The following COPG2 variants were observed in gnomAD, a reference collection of about 807,000 sequenced individuals.
The protein encoded by COPG2 is coat protein complex I subunit gamma 2, also known as coatomer subunit gamma-2.
A neutral mutation model predicts 46.3 loss-of-function variants in COPG2; 37 were observed. That is an observed-to-expected ratio of 0.80 (90% CI 0.61 to 1.05). COPG2 has a LOEUF of 1.05. COPG2 is among the 50% of genes least tolerant of loss of function. The pLI is 0.00. For synonymous variants in COPG2, 159 were observed against 129.7 expected (o/e 1.23, Z -1.53); for missense variants, 427 against 387.8 (o/e 1.10, Z -0.85).
At chr7:130,571,812 TAAGTA>T (rs1174966780) in intron 9 of COPG2, among the ~76,000 whole-genome samples, 6 of 151,448 alleles carry the variant, frequency 4.0e-5, no homozygotes, top group Non-Finnish European at 7.4e-5. Context: ...CATCAATCAA[TAAGTA>T]AATAAAGAAA....
chr7:130,616,039 T>C (rs1487742326), intron 6 of COPG2, among the ~76,000 whole-genome samples: 1 of 152,244 alleles, frequency 6.6e-6, no homozygotes, highest in African/African-American at 2.4e-5. Context: ...AAGTTTTATC[T>C]GGAAGCCAGA....
chr7:130,574,274 G>T (rs576002797), intron 9 of COPG2, among the ~76,000 whole-genome samples: 4 of 152,280 alleles, frequency 2.6e-5, no homozygotes, highest in African/African-American at 7.2e-5. Context: ...TAAAGTTAAA[G>T]AACTGAGGCC....
rs1432747167 is a variant in COPG2, at chr7:130,591,063, C to T, written c.737+19890G>A. 3.3e-5 allele frequency among the ~76,000 whole-genome samples: 5 copies of T among 149,952 alleles called. No homozygotes were observed. In the South Asian group the frequency reaches 6.4e-4, roughly 19 times the overall value. The stretch of plus-strand genomic sequence containing the variant: ...GGGAGGTGGGGGTCAGCCCCCCGCC[C>T]GGCCAGCCGCCCCGTCCAGAAGGGA... On this transcript the variant is annotated intron_variant, in intron 9 of 23. Coordinates refer to ENST00000425248, the MANE Select transcript of COPG2 (RefSeq NM_012133.6).
chr7:130,641,738 T>C (rs1190284558), intron 5 of COPG2, among the ~76,000 whole-genome samples: 2 of 152,176 alleles, frequency 1.3e-5, no homozygotes, highest in Non-Finnish European at 1.5e-5. Context: ...CAGGAACAGC[T>C]GCACCATTCA....
At chr7:130,595,268 C>T (rs939530451) in intron 9 of COPG2, among the ~76,000 whole-genome samples, 1 of 152,160 alleles carries the variant, frequency 6.6e-6, no homozygotes, top group African/African-American at 2.4e-5. Flanking sequence ...CAAAAGGCCA[C>T]ATATTGTGTG....
At chr7:130,639,123 G>A (rs143394168) in intron 5 of COPG2, among the ~76,000 whole-genome samples, 21 of 152,258 alleles carry the variant, frequency 1.4e-4, no homozygotes, top group Middle Eastern at 3.4e-3. Flanking sequence ...GAAATCACCC[G>A]CCTTCCACGT....
At chr7:130,650,323 G>C (rs1175535550) in intron 5 of COPG2, among the ~76,000 whole-genome samples, 3 of 152,110 alleles carry the variant, frequency 2.0e-5, no homozygotes, top group Non-Finnish European at 4.4e-5. Context: ...GGACATCTTT[G>C]GGTCACTATT....
At chr7:130,649,823 G>GT (rs1795701811) in intron 5 of COPG2, among the ~76,000 whole-genome samples, 1 of 152,004 alleles carries the variant, frequency 6.6e-6, no homozygotes, top group Admixed American at 6.6e-5. Context: ...ACATTTTTAG[G>GT]TATTTGTTAC....
intron 10 of COPG2, 133 bp downstream of exon 10, chr7:130,564,127 T>G (rs1229294395): frequency 2.5e-6 from 1 of 396,960 alleles, no homozygotes; most frequent in East Asian, 3.6e-5. Flanking sequence ...ACATATAAGC[T>G]ATCAGAATGC....
chr7:130,603,789 A>G lies in COPG2; in HGVS notation c.737+7164T>C, dbSNP rs782166888. ...TAACAGTACTATAGGCATCTTGTACAGTTGATCCTCGAACAACATGGGGTT... is the reference window on the plus strand; with the variant it reads ...TAACAGTACTATAGGCATCTTGTACGGTTGATCCTCGAACAACATGGGGTT... On this transcript the variant is annotated intron_variant, in intron 9 of 23. Transcript: ENST00000425248. 17 of 516,966 alleles carry G rather than the reference A, an allele frequency of 3.3e-5. No individual in the cohort carries two copies. The East Asian group carries it at 9.3e-4, about 28-fold the overall frequency. The allele number at this position is 516,966 out of a possible 1,614,324, so 32.0% of individuals were successfully genotyped here.
At chr7:130,510,291 C>A (rs1799575123) in intron 20 of COPG2, 1 of 511,634 alleles carries the variant, frequency 2.0e-6, no homozygotes. Context: ...GAATCAATTT[C>A]AATGCCATTA....
chr7:130,549,787 CTTCTT>C, intron 17 of COPG2, among the ~76,000 whole-genome samples: 1 of 150,408 alleles, frequency 6.6e-6, no homozygotes, highest in Admixed American at 6.7e-5. Context: ...ACATTTATGA[CTTCTT>C]TTGTTTTTGT....
chr7:130,507,445 C>T (rs1170190463), intron 22 of COPG2, 73 bp from the exon 23 acceptor site: 3 of 768,156 alleles, frequency 3.9e-6, no homozygotes, highest in East Asian at 2.4e-5. Context: ...CCAGTGTATG[C>T]TGGGAGCTGG....
At chr7:130,560,287 C>T (rs1209953228) in intron 12 of COPG2, among the ~76,000 whole-genome samples, 2 of 151,958 alleles carry the variant, frequency 1.3e-5, no homozygotes, top group East Asian at 3.9e-4. Flanking sequence ...AATTTAACAA[C>T]AGATTTGCAA....
At chr7:130,542,327 T>C (rs1793346163) in intron 20 of COPG2, among the ~76,000 whole-genome samples, 1 of 150,802 alleles carries the variant, frequency 6.6e-6, no homozygotes, top group African/African-American at 2.5e-5. Flanking sequence ...CTTGGAAACA[T>C]TGAGGACCGT....
At chr7:130,525,867 G>A (rs1799768936) in intron 20 of COPG2, among the ~76,000 whole-genome samples, 1 of 151,884 alleles carries the variant, frequency 6.6e-6, no homozygotes, top group Admixed American at 6.6e-5. Flanking sequence ...AAGCAGAGGA[G>A]GACAGAGAGT....
At chr7:130,614,296 A>G (rs1315508255) in intron 6 of COPG2, among the ~76,000 whole-genome samples, 1 of 152,224 alleles carries the variant, frequency 6.6e-6, no homozygotes, top group Non-Finnish European at 1.5e-5. Context: ...GCTGCTACCA[A>G]TGTAATGCAA....
At chr7:130,652,030 T>C (rs1795757219) in intron 5 of COPG2, among the ~76,000 whole-genome samples, 1 of 152,220 alleles carries the variant, frequency 6.6e-6, no homozygotes, top group African/African-American at 2.4e-5. Flanking sequence ...TGAAGACTTA[T>C]TTATATCAGA....
intron 9 of COPG2, among the ~76,000 whole-genome samples, chr7:130,579,180 T>A: frequency 8.9e-6 from 1 of 111,870 alleles, no homozygotes; most frequent in Non-Finnish European, 1.9e-5. Flanking sequence ...CAGAAGAGAG[T>A]GGGGGCCAAT....
Sources: allele counts gnomAD v4.1 joint callset (sites outside exome capture counted in the v4.1 genomes callset), GRCh38; gene constraint gnomAD v4.1.1; transcripts MANE v1.5; gene names NCBI Gene and HGNC (gene_info 2026-07-23, HGNC 2026-07-21).